Variants in ADGRB3 observed in about 807,000 individuals in gnomAD.
The protein encoded by ADGRB3 is brain-specific angiogenesis inhibitor 3.
Under a neutral mutation model 193.4 loss-of-function variants are expected in ADGRB3, and 37 were observed. The ratio of observed to expected loss-of-function variants is 0.19; its 90% CI spans 0.15 to 0.25. ADGRB3 has a LOEUF of 0.25. Among genes scored for constraint, ADGRB3 ranks in the 10% least tolerant of loss-of-function variants. ADGRB3 has a pLI of 1.00. For missense variants in ADGRB3, 1,637 were observed against 1,852.9 expected (o/e 0.88, Z 2.14); for synonymous variants, 690 against 644.2 (o/e 1.07, Z -1.08).
At chr6:69,029,040 A>AT (rs911543639) in intron 13 of ADGRB3, among the ~76,000 whole-genome samples, 1 of 151,966 alleles carries the variant, frequency 6.6e-6, no homozygotes, top group African/African-American at 2.4e-5. Flanking sequence ...GAGTGGGTGC[A>AT]TTTTTTTCCC....
intron 17 of ADGRB3, among the ~76,000 whole-genome samples, chr6:69,145,332 C>G (rs538301693): frequency 1.3e-5 from 2 of 152,314 alleles, no homozygotes; most frequent in Admixed American, 1.3e-4. Context: ...TGCAGCTGGA[C>G]AAGGTGTCCC....
intron 26 of ADGRB3, among the ~76,000 whole-genome samples, chr6:69,345,240 T>A (rs961278287): frequency 2.0e-5 from 3 of 152,092 alleles, no homozygotes; most frequent in Non-Finnish European, 4.4e-5. Context: ...GCTTAGAAGG[T>A]GGTTGTACTG....
chr6:68,966,489 C>A (rs1178768104), intron 8 of ADGRB3, among the ~76,000 whole-genome samples: 1 of 152,188 alleles, frequency 6.6e-6, no homozygotes, highest in African/African-American at 2.4e-5. Context: ...CGGTCACCTT[C>A]TTGGTTATTC....
chr6:68,681,555 C>T (rs1300685630), intron 3 of ADGRB3, among the ~76,000 whole-genome samples: 2 of 152,126 alleles, frequency 1.3e-5, no homozygotes, highest in Non-Finnish European at 2.9e-5. Context: ...GCTGAGATTA[C>T]AGCAGTTAGT....
intron 29 of ADGRB3, among the ~76,000 whole-genome samples, chr6:69,363,298 G>T (rs917510326): frequency 3.3e-5 from 5 of 151,924 alleles, no homozygotes; most frequent in Non-Finnish European, 5.9e-5. Flanking sequence ...TGAAAATTTG[G>T]TTCTTCATTT....
At chr6:69,332,786 T>C in intron 23 of ADGRB3, 137 bp from the exon 24 acceptor site, 3 of 1,435,658 alleles carry the variant, frequency 2.1e-6, no homozygotes, top group Non-Finnish European at 9.1e-7. Flanking sequence ...TGCTCACTTA[T>C]AAAATGTTTG....
chr6:69,343,853 G>A (rs949472638), intron 26 of ADGRB3, among the ~76,000 whole-genome samples: 5 of 152,190 alleles, frequency 3.3e-5, no homozygotes, highest in African/African-American at 1.2e-4. Context: ...AATACAATGA[G>A]TATGGAGGTG....
chr6:68,815,522 T>G (rs1767613679), intron 3 of ADGRB3, among the ~76,000 whole-genome samples: 1 of 151,466 alleles, frequency 6.6e-6, no homozygotes, highest in Non-Finnish European at 1.5e-5. Context: ...TTAATATAAT[T>G]TTTGATAATC....
intron 3 of ADGRB3, among the ~76,000 whole-genome samples, chr6:68,693,432 A>G (rs909744242): frequency 6.6e-6 from 1 of 151,916 alleles, no homozygotes; most frequent in Non-Finnish European, 1.5e-5. Context: ...AACATATACT[A>G]AAAAAGAAAG....
At chr6:68,709,460 C>T (rs930956238) in intron 3 of ADGRB3, among the ~76,000 whole-genome samples, 1 of 152,090 alleles carries the variant, frequency 6.6e-6, no homozygotes, top group African/African-American at 2.4e-5. Context: ...TTTTACATAA[C>T]AATAGGTAAC....
At chr6:68,800,876 T>C (rs536281988) in intron 3 of ADGRB3, among the ~76,000 whole-genome samples, 1 of 152,236 alleles carries the variant, frequency 6.6e-6, no homozygotes, top group East Asian at 1.9e-4. Context: ...GAGAGAAGTC[T>C]ATCTAAATGG....
chr6:69,160,749 TAA>T (rs1455764174), intron 17 of ADGRB3, among the ~76,000 whole-genome samples: 2 of 152,302 alleles, frequency 1.3e-5, no homozygotes, highest in East Asian at 3.9e-4. Flanking sequence ...AGGCATATAA[TAA>T]GTTTTCAATA....
At chr6:69,315,966 C>T (rs1323958047) in intron 20 of ADGRB3, among the ~76,000 whole-genome samples, 8 of 151,184 alleles carry the variant, frequency 5.3e-5, no homozygotes, top group Non-Finnish European at 1.0e-4. Context: ...TGAAGTGCTT[C>T]GCTTCAGTAT....
chr6:69,236,629 G>A (rs532399232), intron 19 of ADGRB3, among the ~76,000 whole-genome samples: 1 of 152,090 alleles, frequency 6.6e-6, no homozygotes, highest in African/African-American at 2.4e-5. Flanking sequence ...GCTCACTGAA[G>A]TATTTAAAAC....
chr6:69,335,227 G>T (rs1359355296), intron 24 of ADGRB3, among the ~76,000 whole-genome samples: 1 of 151,950 alleles, frequency 6.6e-6, no homozygotes, highest in Non-Finnish European at 1.5e-5. Flanking sequence ...AATTCATATA[G>T]CTCTTTATAA....
At chr6:68,722,702 T>C in intron 3 of ADGRB3, among the ~76,000 whole-genome samples, 1 of 151,618 alleles carries the variant, frequency 6.6e-6, no homozygotes, top group Non-Finnish European at 1.5e-5. Flanking sequence ...TAAAAAGCAC[T>C]TTATTTTTTT....
At chr6:69,255,121 G>C (rs1473065247) in intron 20 of ADGRB3, among the ~76,000 whole-genome samples, 1 of 151,830 alleles carries the variant, frequency 6.6e-6, no homozygotes, top group African/African-American at 2.4e-5. Context: ...TGGACATTTG[G>C]GTTGGTTCCA....
intron 17 of ADGRB3, among the ~76,000 whole-genome samples, chr6:69,115,065 T>A (rs1004649614): frequency 6.6e-6 from 1 of 152,160 alleles, no homozygotes; most frequent in Non-Finnish European, 1.5e-5. Flanking sequence ...GAACCAGAAA[T>A]ACCATTTGAC....
intron 17 of ADGRB3, among the ~76,000 whole-genome samples, chr6:69,155,355 G>A (rs148901162): frequency 6.6e-6 from 1 of 152,208 alleles, no homozygotes; most frequent in African/African-American, 2.4e-5. Context: ...AAGGTTTTGT[G>A]TGCTTGTTTT....
Sources: gnomAD v4.1 joint callset for allele counts (sites outside exome capture counted in the v4.1 genomes callset) on GRCh38, gnomAD v4.1.1 for gene constraint, MANE v1.5 for transcripts, NCBI Gene and HGNC (gene_info 2026-07-23, HGNC 2026-07-21) for gene names.